PTPRM: variants seen among roughly 807,000 people sequenced by gnomAD.
PTPRM encodes the protein protein tyrosine phosphatase receptor type M.
Under a neutral mutation model 186.7 loss-of-function variants are expected in PTPRM, and 47 were observed. The ratio of observed to expected loss-of-function variants is 0.25; its 90% CI spans 0.20 to 0.32. The LOEUF is 0.32. Among genes scored for constraint, PTPRM ranks in the 10% least tolerant of loss-of-function variants. PTPRM has a pLI of 1.00. For missense variants in PTPRM, 1,494 were observed against 1,865.0 expected, an observed-to-expected ratio of 0.80 and a Z score of 3.66; for synonymous variants, 668 against 674.9, an observed-to-expected ratio of 0.99 and a Z score of 0.16.
intron 1 of PTPRM, among the ~76,000 whole-genome samples, chr18:7,583,035 G>C (rs191818585): frequency 2.0e-5 from 3 of 152,296 alleles, no homozygotes; most frequent in Admixed American, 2.0e-4. Context: ...ACAGTGCCCA[G>C]TCCAGAATAG....
Position 7,888,366 on chromosome 18 carries a change from A to G in PTPRM, c.457A>G (p.Asn153Asp). 6.2e-7 allele frequency: 1 copy of G among 1,606,946 alleles called. No homozygotes were observed. Among genetic ancestry groups the G allele is most frequent in the East Asian group, 2.2e-5 (1 of 44,790 alleles). ...ACTGGCCATTAGTACTTTCTGGCCT[A>G]ACTTTTATCAGGTATGTGCTTTCTT... Reference protein sequence around the residue: ...AELAISTFWPNFYQVIFEVIT... With the variant: ...AELAISTFWPDFYQVIFEVIT... The change falls in exon 3 of 33, where the codon AAC becomes GAC. Residue 153 changes from asparagine (N) to aspartate (D), a missense_variant. Asn to Asp is a conservative substitution (Grantham distance 23). Transcript: ENST00000580170.
intron 4 of PTPRM, among the ~76,000 whole-genome samples, chr18:7,920,856 T>G (rs60826799): frequency 0.11 from 17,074 of 152,118 alleles, 1,130 homozygotes; most frequent in African/African-American, 0.18. Context: ...TTTCTGTGGA[T>G]AGCTTTAGTG....
intron 7 of PTPRM, among the ~76,000 whole-genome samples, chr18:8,027,982 C>T (rs1218311825): frequency 6.6e-6 from 1 of 151,894 alleles, no homozygotes; most frequent in Admixed American, 6.6e-5. Flanking sequence ...TCTTTATGCA[C>T]ATGGCCGTTC....
intron 5 of PTPRM, among the ~76,000 whole-genome samples, chr18:7,941,309 A>G (rs1429829161): frequency 6.6e-6 from 1 of 152,224 alleles, no homozygotes; most frequent in African/African-American, 2.4e-5. Context: ...GTGCTGGGAC[A>G]GGGACAAGAG....
chr18:8,363,530 T>C (rs1378663621), intron 23 of PTPRM, among the ~76,000 whole-genome samples: 1 of 152,218 alleles, frequency 6.6e-6, no homozygotes, highest in Non-Finnish European at 1.5e-5. Flanking sequence ...ATGTCATTGC[T>C]CAAAAGATTT....
chr18:8,110,169 C>T (rs2091695537), intron 11 of PTPRM, among the ~76,000 whole-genome samples: 1 of 152,160 alleles, frequency 6.6e-6, no homozygotes, highest in East Asian at 1.9e-4. Context: ...CGAAGTGTCA[C>T]GAGACACAAC....
At position 8,010,058 on chromosome 18, in the gene PTPRM, G is replaced by A. The variant is rs144319792; in HGVS notation, c.1132+54644G>A. Among the ~76,000 whole-genome samples the A allele has an allele frequency of 3.5e-4, 53 of 152,266 alleles. No homozygotes were observed. In the East Asian group the frequency reaches 0.01, roughly 29 times the overall value. On this transcript the variant is annotated intron_variant, in intron 7 of 32. Coordinates refer to ENST00000580170, the MANE Select transcript of PTPRM (RefSeq NM_001105244.2). The stretch of plus-strand genomic sequence containing the variant: ...GGGTATTTCTTATATGTAAGTATCT[G>A]TTCCATCCTGAAATAAAGTAGAAAA...
rs544150996 is a variant in PTPRM at position 8,180,362 on chromosome 18, G to A, written c.2300+36583G>A. Among the ~76,000 whole-genome samples, 12 of 152,310 alleles carry A rather than the reference G, an allele frequency of 7.9e-5. No individual in the cohort carries two copies. In the East Asian group the frequency reaches 1.9e-3, roughly 24 times the overall value. On this transcript the variant is annotated intron_variant, in intron 14 of 32. Coordinates refer to ENST00000580170, the MANE Select transcript of PTPRM (RefSeq NM_001105244.2). ...TCAGAAGAAAGAATTTGACCAAGGA[G>A]CATAAGACAGAGGGAGTGACTGTGG...
chr18:7,745,543 C>G (rs1240112441), intron 1 of PTPRM, among the ~76,000 whole-genome samples: 2 of 152,182 alleles, frequency 1.3e-5, no homozygotes, highest in Non-Finnish European at 2.9e-5. Flanking sequence ...CCAAAGGCCA[C>G]ATCTTAGGTG....
chr18:7,826,364 C>A (rs770166672), intron 2 of PTPRM, among the ~76,000 whole-genome samples: 16 of 152,212 alleles, frequency 1.1e-4, no homozygotes, highest in Non-Finnish European at 2.2e-4. Flanking sequence ...GCTTGCTCTT[C>A]CCGTACAGCA....
chr18:7,985,304 A>T (rs62644910), intron 7 of PTPRM, among the ~76,000 whole-genome samples: 543 of 46,614 alleles, frequency 0.012, 49 homozygotes, highest in Middle Eastern at 0.071. Context: ...TACATATAAT[A>T]GTATATACAC....
chr18:8,079,798 A>T (rs2090029501), intron 9 of PTPRM, among the ~76,000 whole-genome samples: 1 of 152,140 alleles, frequency 6.6e-6, no homozygotes, highest in African/African-American at 2.4e-5. Flanking sequence ...ATAAAATTTT[A>T]AACTTCTGAA....
At chr18:7,700,464 A>G (rs7244983) in intron 1 of PTPRM, among the ~76,000 whole-genome samples, 9,505 of 152,240 alleles carry the variant, frequency 0.062, 777 homozygotes, top group African/African-American at 0.18. Flanking sequence ...CCTAGGTAGT[A>G]GATATAAAGA....
chr18:8,236,699 G>A (rs2094349413), intron 14 of PTPRM, among the ~76,000 whole-genome samples: 1 of 151,854 alleles, frequency 6.6e-6, no homozygotes, highest in African/African-American at 2.4e-5. Context: ...GTGCCACTAT[G>A]TCTGGTTAAT....
intron 22 of PTPRM, among the ~76,000 whole-genome samples, chr18:8,324,402 C>A (rs1013622792): frequency 2.0e-5 from 3 of 152,094 alleles, no homozygotes; most frequent in African/African-American, 7.2e-5. Flanking sequence ...CACCTTTCAA[C>A]AATTTTAGCA....
At chr18:7,599,116 G>A (rs1325209870) in intron 1 of PTPRM, among the ~76,000 whole-genome samples, 1 of 152,060 alleles carries the variant, frequency 6.6e-6, no homozygotes, top group African/African-American at 2.4e-5. Flanking sequence ...AGCTGTTGTT[G>A]AGAAGAAGTA....
chr18:7,707,672 T>C (rs1320564543), intron 1 of PTPRM, among the ~76,000 whole-genome samples: 1 of 152,098 alleles, frequency 6.6e-6, no homozygotes, highest in Non-Finnish European at 1.5e-5. Context: ...AAATATCTAC[T>C]GTCTCATACT....
intron 19 of PTPRM, among the ~76,000 whole-genome samples, chr18:8,274,506 G>A (rs2094810558): frequency 1.3e-5 from 2 of 152,144 alleles, no homozygotes. Context: ...AATTGTGTGA[G>A]TAGTGGCTGT....
intron 2 of PTPRM, among the ~76,000 whole-genome samples, chr18:7,782,897 G>A (rs1462916401): frequency 2.0e-5 from 3 of 152,254 alleles, no homozygotes; most frequent in African/African-American, 2.4e-5. Flanking sequence ...TTCAACAAAT[G>A]TTTTCCTTTA....
Sources: gnomAD v4.1 joint callset for allele counts (sites outside exome capture counted in the v4.1 genomes callset) on GRCh38, gnomAD v4.1.1 for gene constraint, MANE v1.5 for transcripts, NCBI Gene and HGNC (gene_info 2026-07-23, HGNC 2026-07-21) for gene names.